Variants in AK9 observed in about 807,000 individuals in gnomAD.
AK9 encodes adenylate kinase 9.
A neutral mutation model predicts 239.6 loss-of-function variants in AK9; 191 were observed. That is an observed-to-expected ratio of 0.80 (90% CI 0.71 to 0.90). AK9 has a LOEUF of 0.90. AK9 is among the 40% of genes least tolerant of loss of function. The pLI is 0.00. For missense variants in AK9, 1,995 were observed against 2,214.7 expected, an observed-to-expected ratio of 0.90 and a Z score of 1.99; for synonymous variants, 689 against 721.0, an observed-to-expected ratio of 0.96 and a Z score of 0.71.
At chr6:109,651,440 G>C (rs1437521088) in intron 8 of AK9, among the ~76,000 whole-genome samples, 2 of 152,116 alleles carry the variant, frequency 1.3e-5, no homozygotes, top group African/African-American at 2.4e-5. Flanking sequence ...GAAATTTATA[G>C]CACTAAATGC....
At chr6:109,660,747 G>A (rs1005168893) in intron 6 of AK9, among the ~76,000 whole-genome samples, 1 of 152,144 alleles carries the variant, frequency 6.6e-6, no homozygotes, top group African/African-American at 2.4e-5. Flanking sequence ...CAGAGCAGAA[G>A]TGCTCAGTGT....
intron 10 of AK9, among the ~76,000 whole-genome samples, chr6:109,635,268 T>C (rs1233941292): frequency 6.6e-6 from 1 of 152,044 alleles, no homozygotes; most frequent in African/African-American, 2.4e-5. Context: ...CAGAGATAGG[T>C]GAAAGCTAAA....
intron 4 of AK9, 38 bp downstream of exon 4, chr6:109,672,077 T>C (rs758043808): frequency 5.0e-6 from 8 of 1,612,766 alleles, no homozygotes; most frequent in Non-Finnish European, 6.8e-6. Context: ...AGAGCTTTTT[T>C]TGTAATCATA....
intron 12 of AK9, among the ~76,000 whole-genome samples, chr6:109,628,114 C>A (rs1795747474): frequency 6.6e-6 from 1 of 152,138 alleles, no homozygotes; most frequent in Admixed American, 6.5e-5. Flanking sequence ...GTGGTCCTTA[C>A]ACCCAAGGGA....
At chr6:109,617,127 T>C (rs1794273994) in intron 13 of AK9, among the ~76,000 whole-genome samples, 1 of 152,030 alleles carries the variant, frequency 6.6e-6, no homozygotes, top group Non-Finnish European at 1.5e-5. Flanking sequence ...AGCTACCAAA[T>C]ATTATGGAAA....
At chr6:109,626,124 T>C (rs1174748223) in intron 12 of AK9, among the ~76,000 whole-genome samples, 1 of 152,206 alleles carries the variant, frequency 6.6e-6, no homozygotes, top group Admixed American at 6.5e-5. Flanking sequence ...GCTAATTCAG[T>C]AAAACGTTCA....
intron 26 of AK9, among the ~76,000 whole-genome samples, chr6:109,544,468 C>A (rs2064821): frequency 6.6e-6 from 1 of 151,864 alleles, no homozygotes; most frequent in African/African-American, 2.4e-5. Flanking sequence ...CACCATTACC[C>A]CCTTGGTACT....
intron 12 of AK9, among the ~76,000 whole-genome samples, chr6:109,627,174 G>A (rs1216628379): frequency 1.6e-5 from 2 of 124,362 alleles, no homozygotes; most frequent in Non-Finnish European, 3.2e-5. Context: ...AGCCCTACAT[G>A]GGGTCAGGAT....
chr6:109,654,522 G>T (rs1366042026), intron 8 of AK9, among the ~76,000 whole-genome samples: 2 of 151,834 alleles, frequency 1.3e-5, no homozygotes, highest in African/African-American at 4.8e-5. Flanking sequence ...GTAGAGATGG[G>T]GTTTCACCAT....
At chr6:109,646,527 A>T (rs747176986) in intron 8 of AK9, among the ~76,000 whole-genome samples, 10 of 152,026 alleles carry the variant, frequency 6.6e-5, no homozygotes, top group East Asian at 1.9e-4. Context: ...AAATGAAGCA[A>T]GAAGTTTAGA....
chr6:109,552,549 T>A (rs1052074824), intron 24 of AK9, among the ~76,000 whole-genome samples: 1 of 152,180 alleles, frequency 6.6e-6, no homozygotes, highest in African/African-American at 2.4e-5. Flanking sequence ...TTGATGAGGT[T>A]GTTTGTTTTT....
intron 12 of AK9, among the ~76,000 whole-genome samples, chr6:109,621,000 T>C (rs973887531): frequency 2.0e-5 from 3 of 151,804 alleles, no homozygotes; most frequent in African/African-American, 7.3e-5. Flanking sequence ...GGATTTTTCT[T>C]AAAAAACTGT....
chr6:109,656,271 C>T (rs1799690636), intron 8 of AK9, among the ~76,000 whole-genome samples: 1 of 152,144 alleles, frequency 6.6e-6, no homozygotes, highest in South Asian at 2.1e-4. Flanking sequence ...TAAAACCTTC[C>T]TATTACATTA....
At chr6:109,532,193 G>A (rs565086299) in intron 28 of AK9, among the ~76,000 whole-genome samples, 5 of 152,134 alleles carry the variant, frequency 3.3e-5, no homozygotes, top group South Asian at 4.2e-4. Context: ...CCAAATGTTC[G>A]CCTAGTTTAT....
At chr6:109,572,195 G>A (rs962585833) in intron 21 of AK9, among the ~76,000 whole-genome samples, 2 of 152,168 alleles carry the variant, frequency 1.3e-5, no homozygotes, top group African/African-American at 2.4e-5. Context: ...CCTGCAACCT[G>A]CATCTGTGGA....
At chr6:109,549,664 C>CTTTTTTTTTTTTTTTTTTTTTTTTTTTT (rs1196364045) in intron 25 of AK9, 15 of 122,094 alleles carry the variant, frequency 1.2e-4, no homozygotes, top group South Asian at 2.9e-4. Flanking sequence ...TAGATATTTT[C>CTTTTTTTTTTTTTTTTTTTTTTTTTTTT]TTTTTTTTTT....
intron 17 of AK9, among the ~76,000 whole-genome samples, chr6:109,603,271 T>A (rs1374137510): frequency 2.0e-5 from 3 of 152,192 alleles, no homozygotes; most frequent in African/African-American, 7.2e-5. Context: ...CCTTTCTGTT[T>A]GTTAGTTTTC....
At chr6:109,561,326 T>C (rs1785743165) in intron 24 of AK9, among the ~76,000 whole-genome samples, 1 of 152,024 alleles carries the variant, frequency 6.6e-6, no homozygotes, top group Non-Finnish European at 1.5e-5. Context: ...TTTTGTTTTG[T>C]TTTGTTTTAG....
At chr6:109,653,863 T>C (rs1799325628) in intron 8 of AK9, among the ~76,000 whole-genome samples, 2 of 152,158 alleles carry the variant, frequency 1.3e-5, no homozygotes, top group African/African-American at 4.8e-5. Flanking sequence ...CTCAAGATTA[T>C]ATTAATATTC....
Sources: gnomAD v4.1 joint callset for allele counts (sites outside exome capture counted in the v4.1 genomes callset) on GRCh38, gnomAD v4.1.1 for gene constraint, MANE v1.5 for transcripts, NCBI Gene and HGNC (gene_info 2026-07-23, HGNC 2026-07-21) for gene names.